The following IGSF11 variants were observed in gnomAD, a reference collection of about 807,000 sequenced individuals.
IGSF11 encodes the protein CXADR like 1.
IGSF11 carries 22 observed loss-of-function variants against 41.0 expected under a neutral mutation model. That is an observed-to-expected ratio of 0.54 (90% CI 0.38 to 0.77). The LOEUF is 0.77. Among genes scored for constraint, IGSF11 ranks in the 30% least tolerant of loss-of-function variants. IGSF11 has a pLI of 0.00. For synonymous variants in IGSF11, 219 were observed against 201.3 expected (o/e 1.09, Z -0.74); for missense variants, 444 against 530.8 (o/e 0.84, Z 1.61).
intron 1 of IGSF11, among the ~76,000 whole-genome samples, chr3:119,025,748 G>T (rs1460288237): frequency 6.6e-6 from 1 of 151,972 alleles, no homozygotes; most frequent in South Asian, 2.1e-4. Flanking sequence ...TGTTAAATGT[G>T]TACATCCAAA....
chr3:119,078,508 G>A (rs190082861), intron 1 of IGSF11, among the ~76,000 whole-genome samples: 1 of 152,330 alleles, frequency 6.6e-6, no homozygotes, highest in Non-Finnish European at 1.5e-5. Flanking sequence ...TAACTGATTA[G>A]CCATATGCAG....
intron 1 of IGSF11, among the ~76,000 whole-genome samples, chr3:119,025,914 G>C (rs962869122): frequency 1.3e-5 from 2 of 152,078 alleles, no homozygotes; most frequent in South Asian, 4.1e-4. Context: ...TGGCATACTT[G>C]CTATGAAATA....
intron 1 of IGSF11, among the ~76,000 whole-genome samples, chr3:119,135,482 T>C (rs1462349586): frequency 6.6e-6 from 1 of 152,174 alleles, no homozygotes; most frequent in Non-Finnish European, 1.5e-5. Flanking sequence ...TCACTGGTCA[T>C]CAGAGAAATG....
intron 1 of IGSF11, among the ~76,000 whole-genome samples, chr3:119,111,228 C>A (rs1480732123): frequency 6.6e-6 from 1 of 152,178 alleles, no homozygotes; most frequent in Non-Finnish European, 1.5e-5. Context: ...TCAGGTACAC[C>A]AATCAGACGT....
chr3:119,058,381 C>T (rs1941932446), intron 1 of IGSF11, among the ~76,000 whole-genome samples: 1 of 152,180 alleles, frequency 6.6e-6, no homozygotes, highest in Non-Finnish European at 1.5e-5. Context: ...AAATGCTCAT[C>T]ATCACTGGCC....
At position 119,097,648 on chromosome 3, in the gene IGSF11, A is replaced by G. The variant is rs534384251; in HGVS notation, c.49+7496T>C. Among the ~76,000 whole-genome samples, 97 of 152,084 alleles carry G rather than the reference A, an allele frequency of 6.4e-4. 3 individuals carry two copies. The South Asian group carries it at 0.02, about 31-fold the overall frequency. The stretch of plus-strand genomic sequence containing the variant: ...GGTGATATTTTGACCCCATCACCCA[A>G]CTCTTTTGTTTTATTCCTCAAACTG... On this transcript the variant is annotated intron_variant, in intron 1 of 6. Transcript: ENST00000354673.
At chr3:119,007,903 T>C (rs1470626087) in intron 1 of IGSF11, among the ~76,000 whole-genome samples, 1 of 152,190 alleles carries the variant, frequency 6.6e-6, no homozygotes, top group Non-Finnish European at 1.5e-5. Context: ...CATTGCCTCC[T>C]CCTTCTTCCC....
intron 4 of IGSF11, among the ~76,000 whole-genome samples, chr3:118,925,106 G>T (rs1006025373): frequency 5.3e-5 from 8 of 152,068 alleles, no homozygotes; most frequent in African/African-American, 1.9e-4. Flanking sequence ...TTTTTTAAAT[G>T]ATGAATTTGA....
intron 1 of IGSF11, among the ~76,000 whole-genome samples, chr3:119,138,161 A>G (rs202175132): frequency 3.5e-4 from 35 of 100,590 alleles, no homozygotes; most frequent in Non-Finnish European, 2.1e-4. Context: ...TCCTCAACAA[A>G]AAAAAAAAAA....
chr3:119,054,242 GA>G (rs1474996276), intron 1 of IGSF11, among the ~76,000 whole-genome samples: 1 of 152,136 alleles, frequency 6.6e-6, no homozygotes, highest in Non-Finnish European at 1.5e-5. Flanking sequence ...CACAGAGGGG[GA>G]GAAAAATCTT....
chr3:119,114,773 T>C (rs1022513862), intron 1 of IGSF11, among the ~76,000 whole-genome samples: 3 of 152,230 alleles, frequency 2.0e-5, no homozygotes, highest in Non-Finnish European at 4.4e-5. Flanking sequence ...AATGCCCCAC[T>C]CTTAGGTACC....
intron 1 of IGSF11, among the ~76,000 whole-genome samples, chr3:119,017,039 C>CAG (rs1692213896): frequency 1.1e-5 from 1 of 88,320 alleles, no homozygotes; most frequent in Non-Finnish European, 2.5e-5. Flanking sequence ...GGACGCAGGA[C>CAG]AAAAAAAAAA....
At chr3:119,054,053 T>A (rs1045122284) in intron 1 of IGSF11, among the ~76,000 whole-genome samples, 1 of 152,100 alleles carries the variant, frequency 6.6e-6, no homozygotes, top group Non-Finnish European at 1.5e-5. Flanking sequence ...AGACCTGAAA[T>A]CATAAAAATT....
At chr3:118,936,230 G>A (rs1943264521) in intron 1 of IGSF11, among the ~76,000 whole-genome samples, 1 of 152,002 alleles carries the variant, frequency 6.6e-6, no homozygotes, top group Admixed American at 6.5e-5. Context: ...ACTTAGGCTG[G>A]GTGCAGTGGC....
chr3:118,977,220 G>C (rs1170584412), intron 1 of IGSF11, among the ~76,000 whole-genome samples: 1 of 152,124 alleles, frequency 6.6e-6, no homozygotes, highest in Non-Finnish European at 1.5e-5. Context: ...GACACTCCTG[G>C]GAGGGTGAGC....
chr3:118,916,758 G>T (rs536474944), intron 4 of IGSF11, among the ~76,000 whole-genome samples: 136 of 151,928 alleles, frequency 9.0e-4, no homozygotes, highest in Middle Eastern at 6.8e-3. Context: ...CAAGTGGACC[G>T]AATAGACATC....
chr3:119,120,708 T>C (rs1186612859), intron 1 of IGSF11, among the ~76,000 whole-genome samples: 1 of 152,198 alleles, frequency 6.6e-6, no homozygotes, highest in African/African-American at 2.4e-5. Flanking sequence ...ATGATACCTG[T>C]ACAGGTTTTA....
intron 4 of IGSF11, among the ~76,000 whole-genome samples, chr3:118,924,669 A>C (rs566098629): frequency 3.9e-4 from 60 of 152,266 alleles, no homozygotes; most frequent in Non-Finnish European, 6.9e-4. Context: ...TCCAGAAATA[A>C]AGAGGTTATG....
intron 1 of IGSF11, among the ~76,000 whole-genome samples, chr3:118,933,503 C>CAT (rs1270473921): frequency 2.7e-5 from 4 of 148,706 alleles, no homozygotes; most frequent in African/African-American, 5.0e-5. Flanking sequence ...CACACACACA[C>CAT]ATATGTATAC....
Sources: gnomAD v4.1 joint callset for allele counts (sites outside exome capture counted in the v4.1 genomes callset) on GRCh38, gnomAD v4.1.1 for gene constraint, MANE v1.5 for transcripts, NCBI Gene and HGNC (gene_info 2026-07-23, HGNC 2026-07-21) for gene names.